The following UNC5C variants were observed in gnomAD, a reference collection of about 807,000 sequenced individuals.
The protein encoded by UNC5C is netrin receptor UNC5C.
UNC5C carries 47 observed loss-of-function variants against 99.8 expected under a neutral mutation model. The ratio of observed to expected loss-of-function variants is 0.47; its 90% CI spans 0.37 to 0.60. The LOEUF (loss-of-function observed/expected upper bound fraction) is 0.60. Among genes scored for constraint, UNC5C ranks in the 20% least tolerant of loss-of-function variants. The probability of loss-of-function intolerance (pLI) is 0.00; values close to 1 mark genes in which losing one functional copy is unlikely to be tolerated. For missense variants in UNC5C, 1,062 were observed against 1,165.9 expected, an observed-to-expected ratio of 0.91 and a Z score of 1.30; for synonymous variants, 487 against 452.2, an observed-to-expected ratio of 1.08 and a Z score of -0.98.
At chr4:95,326,042 T>A (rs998834734) in intron 2 of UNC5C, among the ~76,000 whole-genome samples, 6 of 152,130 alleles carry the variant, frequency 3.9e-5, no homozygotes, top group Admixed American at 2.6e-4. Flanking sequence ...TGGGTTCATA[T>A]CCTGGCTGTG....
chr4:95,241,698 A>T (rs1474774075), intron 7 of UNC5C, among the ~76,000 whole-genome samples: 1 of 152,174 alleles, frequency 6.6e-6, no homozygotes, highest in East Asian at 1.9e-4. Context: ...TAAACTGTGT[A>T]CATCTGAGGG....
intron 1 of UNC5C, among the ~76,000 whole-genome samples, chr4:95,356,211 AAC>A (rs1415287404): frequency 0.069 from 5,937 of 86,412 alleles, 220 homozygotes; most frequent in Non-Finnish European, 0.094. Context: ...AAAAAAAAAA[AAC>A]AAAACAAAAA....
At chr4:95,219,430 AG>A (rs1738384294) in intron 8 of UNC5C, 117 bp from the exon 9 acceptor site, 1 of 938,426 alleles carries the variant, frequency 1.1e-6, no homozygotes, top group South Asian at 1.6e-5. Flanking sequence ...CTAATATCGG[AG>A]ATAGATAGAC....
chr4:95,474,501 G>C (rs1748076741), intron 1 of UNC5C, among the ~76,000 whole-genome samples: 1 of 151,980 alleles, frequency 6.6e-6, no homozygotes, highest in Non-Finnish European at 1.5e-5. Context: ...TATTGTCCAG[G>C]CTGGTCTCGA....
At chr4:95,367,455 A>G (rs888869238) in intron 1 of UNC5C, among the ~76,000 whole-genome samples, 1 of 152,164 alleles carries the variant, frequency 6.6e-6, no homozygotes, top group East Asian at 1.9e-4. Context: ...CTGGGATTAC[A>G]GGCGTGAGCC....
intron 12 of UNC5C, among the ~76,000 whole-genome samples, chr4:95,199,880 T>C (rs1420492479): frequency 6.6e-6 from 1 of 152,328 alleles, no homozygotes; most frequent in Non-Finnish European, 1.5e-5. Context: ...CTGACAGTGC[T>C]TTGGATGTAT....
intron 1 of UNC5C, among the ~76,000 whole-genome samples, chr4:95,514,849 T>C (rs1282128782): frequency 6.6e-6 from 1 of 151,306 alleles, no homozygotes; most frequent in Non-Finnish European, 1.5e-5. Flanking sequence ...ATTTTTTGTA[T>C]TTTTGGTAGA....
intron 1 of UNC5C, among the ~76,000 whole-genome samples, chr4:95,466,669 G>C (rs927869654): frequency 2.6e-5 from 4 of 151,826 alleles, no homozygotes; most frequent in African/African-American, 9.7e-5. Flanking sequence ...TATGGACATA[G>C]GGTGAATACG....
chr4:95,348,718 A>T (rs1041473538), intron 1 of UNC5C, among the ~76,000 whole-genome samples: 2 of 151,362 alleles, frequency 1.3e-5, no homozygotes, highest in Admixed American at 6.6e-5. Context: ...ACCATTGATC[A>T]TTACAGAAAT....
At chr4:95,232,674 A>T (rs1738956637) in intron 7 of UNC5C, among the ~76,000 whole-genome samples, 1 of 152,204 alleles carries the variant, frequency 6.6e-6, no homozygotes, top group African/African-American at 2.4e-5. Context: ...GTAGGTGTTC[A>T]TTAGGCTTCT....
intron 1 of UNC5C, among the ~76,000 whole-genome samples, chr4:95,477,599 T>G (rs1201552632): frequency 2.0e-5 from 3 of 152,050 alleles, no homozygotes; most frequent in Admixed American, 2.0e-4. Context: ...ATTACTCTGA[T>G]GTGCTCATCC....
At chr4:95,193,558 T>G (rs950362507) in intron 12 of UNC5C, among the ~76,000 whole-genome samples, 2 of 152,186 alleles carry the variant, frequency 1.3e-5, no homozygotes, top group African/African-American at 4.8e-5. Context: ...ACATCTGCCA[T>G]CAGATTTCAT....
chr4:95,405,478 G>A (rs999540251), intron 1 of UNC5C, among the ~76,000 whole-genome samples: 1 of 152,166 alleles, frequency 6.6e-6, no homozygotes, highest in Admixed American at 6.5e-5. Context: ...GTGATCCTCA[G>A]GGGGATGACC....
intron 14 of UNC5C, among the ~76,000 whole-genome samples, chr4:95,181,273 C>CTGTG (rs1296447805): frequency 6.6e-6 from 1 of 152,220 alleles, no homozygotes; most frequent in African/African-American, 2.4e-5. Context: ...AATCTTTCCT[C>CTGTG]TGTGTTGCCA....
At chr4:95,255,276 G>A (rs964989390) in intron 4 of UNC5C, among the ~76,000 whole-genome samples, 2 of 152,058 alleles carry the variant, frequency 1.3e-5, no homozygotes, top group African/African-American at 2.4e-5. Context: ...CACCATGCCC[G>A]GCACCCCGCT....
At chr4:95,435,357 T>A (rs2149461619) in intron 1 of UNC5C, among the ~76,000 whole-genome samples, 1 of 152,184 alleles carries the variant, frequency 6.6e-6, no homozygotes, top group East Asian at 1.9e-4. Flanking sequence ...ACCTCTTTTT[T>A]ACCACAGCTA....
chr4:95,414,831 T>A (rs1485922252), intron 1 of UNC5C, among the ~76,000 whole-genome samples: 1 of 152,184 alleles, frequency 6.6e-6, no homozygotes, highest in Non-Finnish European at 1.5e-5. Context: ...ACACATTTTC[T>A]TCAAGGAGGT....
chr4:95,197,379 T>TTA (rs1737474089), intron 12 of UNC5C, among the ~76,000 whole-genome samples: 1 of 151,960 alleles, frequency 6.6e-6, no homozygotes. Context: ...CACATAGCAG[T>TTA]TACTATACGA....
chr4:95,189,878 T>C (rs1736998996), intron 12 of UNC5C, among the ~76,000 whole-genome samples: 1 of 152,164 alleles, frequency 6.6e-6, no homozygotes, highest in Non-Finnish European at 1.5e-5. Context: ...TAGGAACACT[T>C]TTACACTGTT....
Sources: allele counts gnomAD v4.1 joint callset (sites outside exome capture counted in the v4.1 genomes callset), GRCh38; gene constraint gnomAD v4.1.1; transcripts MANE v1.5; gene names NCBI Gene and HGNC (gene_info 2026-07-23, HGNC 2026-07-21).